NMU: variants seen among roughly 807,000 people sequenced by gnomAD.
NMU encodes the protein neuromedin-U.
NMU carries 29 observed loss-of-function variants against 35.4 expected under a neutral mutation model. The ratio of observed to expected loss-of-function variants is 0.82; its 90% CI spans 0.61 to 1.12. NMU has a LOEUF of 1.12. Ranked by LOEUF, NMU falls within the 50% of genes most tolerant of loss-of-function variation. NMU has a pLI of 0.00. For missense variants in NMU, 199 were observed against 206.2 expected (o/e 0.97, Z 0.21); for synonymous variants, 78 against 81.3 (o/e 0.96, Z 0.22).
At chr4:55,628,568 G>T (rs542284008) in intron 2 of NMU, among the ~76,000 whole-genome samples, 1 of 151,806 alleles carries the variant, frequency 6.6e-6, no homozygotes, top group Admixed American at 6.6e-5. Flanking sequence ...GTGCCATCTC[G>T]GCTCACTGCA....
intron 2 of NMU, among the ~76,000 whole-genome samples, chr4:55,619,317 G>A (rs1240725134): frequency 7.1e-6 from 1 of 141,004 alleles, no homozygotes; most frequent in Non-Finnish European, 1.6e-5. Flanking sequence ...CGCACCTTGC[G>A]CGAGCCGAAG....
In NMU at chr4:55,604,018, T is replaced by TATATATACACATGTAC. The variant is rs1198514474; in HGVS notation, c.435+1256_435+1257insGTACATGTGTATATAT. On this transcript the variant is annotated intron_variant, in intron 7 of 9. Transcript: ENST00000264218. ...ATATACGTATATATGTATATATGTG[T>TATATATACACATGTAC]ATATATATAATCCTAGAAATTATCA... 4.8e-4 allele frequency among the ~76,000 whole-genome samples: 38 copies of TATATATACACATGTAC among 79,552 alleles called. 4 individuals are homozygous for TATATATACACATGTAC. In the South Asian group the frequency reaches 5.8e-3, roughly 12 times the overall value. The allele number at this position is 79,552 out of a possible 152,430, so 52.2% of individuals were successfully genotyped here.
At chr4:55,604,084 G>C (rs1311125335) in intron 7 of NMU, among the ~76,000 whole-genome samples, 3 of 49,680 alleles carry the variant, frequency 6.0e-5, no homozygotes, top group Admixed American at 2.3e-4. Flanking sequence ...TTTTTTTTTC[G>C]AGACAGAGTC....
chr4:55,616,232 G>A (rs772967632), intron 3 of NMU, 106 bp downstream of exon 3: 242 of 806,436 alleles, frequency 3.0e-4, no homozygotes, highest in Admixed American at 1.4e-4. Context: ...TATCTCACAC[G>A]TTGACATGTT....
At chr4:55,633,013 C>A (rs1421896709) in intron 1 of NMU, among the ~76,000 whole-genome samples, 3 of 143,504 alleles carry the variant, frequency 2.1e-5, no homozygotes, top group Admixed American at 7.1e-5. Context: ...AAAAAAAATT[C>A]TATAATTTAT....
At chr4:55,616,951 T>C (rs1444624720) in intron 2 of NMU, among the ~76,000 whole-genome samples, 2 of 152,210 alleles carry the variant, frequency 1.3e-5, no homozygotes, top group African/African-American at 4.8e-5. Flanking sequence ...TTTCAGTCCT[T>C]ATCCTAAAAA....
intron 1 of NMU, among the ~76,000 whole-genome samples, chr4:55,633,311 C>G (rs1478872409): frequency 6.9e-6 from 1 of 145,820 alleles, no homozygotes; most frequent in Non-Finnish European, 1.5e-5. Flanking sequence ...GGCAACAGAT[C>G]GAGATTCTGT....
chr4:55,607,245 T>C, intron 6 of NMU, 53 bp downstream of exon 6: 1 of 1,342,144 alleles, frequency 7.5e-7, no homozygotes, highest in East Asian at 2.3e-5. Flanking sequence ...AAAAACAGTT[T>C]CATTCTTTTA....
At chr4:55,617,218 C>A (rs1032623538) in intron 2 of NMU, among the ~76,000 whole-genome samples, 2 of 152,028 alleles carry the variant, frequency 1.3e-5, no homozygotes, top group Non-Finnish European at 2.9e-5. Flanking sequence ...TACCAGGGGG[C>A]GGATTATTAT....
intron 3 of NMU, among the ~76,000 whole-genome samples, chr4:55,613,869 C>T (rs1409356097): frequency 1.3e-5 from 2 of 152,038 alleles, no homozygotes; most frequent in Non-Finnish European, 2.9e-5. Flanking sequence ...CTGCTGATAG[C>T]CAGCCAGCGA....
intron 2 of NMU, among the ~76,000 whole-genome samples, chr4:55,627,671 G>A (rs1030064413): frequency 6.6e-6 from 1 of 151,868 alleles, no homozygotes; most frequent in African/African-American, 2.4e-5. Context: ...GTACTTTTAC[G>A]TTACTTTTGC....
chr4:55,607,205 T>G, intron 6 of NMU, 93 bp downstream of exon 6: 1 of 856,908 alleles, frequency 1.2e-6, no homozygotes, highest in East Asian at 2.5e-5. Context: ...AGTAAAAAAT[T>G]TGAATTCTGA....
intron 2 of NMU, among the ~76,000 whole-genome samples, chr4:55,620,063 GA>G (rs1289205107): frequency 7.2e-6 from 1 of 139,638 alleles, no homozygotes; most frequent in Non-Finnish European, 1.6e-5. Context: ...CAAAGATGGG[GA>G]AAAAACAGAA....
intron 2 of NMU, among the ~76,000 whole-genome samples, chr4:55,626,695 G>A (rs1256217925): frequency 1.3e-5 from 2 of 152,144 alleles, no homozygotes; most frequent in Non-Finnish European, 2.9e-5. Context: ...GCAACAGAGC[G>A]AGACCCTGTC....
chr4:55,628,481 C>CATTATT (rs111899620), intron 2 of NMU, among the ~76,000 whole-genome samples: 2 of 150,218 alleles, frequency 1.3e-5, no homozygotes, highest in African/African-American at 4.9e-5. Context: ...TTATTTCTGC[C>CATTATT]ATTATTATTA....
intron 6 of NMU, 83 bp from the exon 7 acceptor site, chr4:55,605,432 T>C: frequency 3.0e-6 from 3 of 992,734 alleles, no homozygotes; most frequent in Non-Finnish European, 4.9e-6. Context: ...TTGTTTTTGT[T>C]TTTACCCACT....
intron 7 of NMU, among the ~76,000 whole-genome samples, chr4:55,602,765 T>TA (rs754034073): frequency 3.3e-5 from 5 of 152,238 alleles, no homozygotes; most frequent in Non-Finnish European, 7.3e-5. Context: ...CCTAAGATCT[T>TA]ACATTTCTCT....
At chr4:55,603,563 G>A (rs985773987) in intron 7 of NMU, among the ~76,000 whole-genome samples, 1 of 151,886 alleles carries the variant, frequency 6.6e-6, no homozygotes, top group Non-Finnish European at 1.5e-5. Context: ...GATAAAATGA[G>A]ATAATATAAG....
At chr4:55,616,540 TAA>T (rs1734114615) in intron 2 of NMU, among the ~76,000 whole-genome samples, 155 bp from the exon 3 acceptor site, 1 of 152,198 alleles carries the variant, frequency 6.6e-6, no homozygotes, top group East Asian at 1.9e-4. Context: ...AAAAACTTTA[TAA>T]GAGAGTCTTG....
Sources: allele counts gnomAD v4.1 joint callset (sites outside exome capture counted in the v4.1 genomes callset), GRCh38; gene constraint gnomAD v4.1.1; transcripts MANE v1.5; gene names NCBI Gene and HGNC (gene_info 2026-07-23, HGNC 2026-07-21).